The following FSTL5 variants were observed in gnomAD, a reference collection of about 807,000 sequenced individuals.
FSTL5 encodes follistatin-related protein 5.
In FSTL5, 62 loss-of-function variants were observed where a neutral mutation model predicts 89.1. The ratio of observed to expected loss-of-function variants is 0.70; its 90% CI spans 0.57 to 0.86. The LOEUF (loss-of-function observed/expected upper bound fraction) is 0.86. Ranked by LOEUF, FSTL5 falls within the 40% of genes least tolerant of loss-of-function variation. The probability of loss-of-function intolerance (pLI) is 0.00; values close to 1 mark genes in which losing one functional copy is unlikely to be tolerated. For missense variants in FSTL5, 1,057 were observed against 1,001.6 expected, an observed-to-expected ratio of 1.06 and a Z score of -0.75; for synonymous variants, 383 against 346.2, an observed-to-expected ratio of 1.11 and a Z score of -1.18.
At chr4:161,914,942 C>T (rs1418317501) in intron 4 of FSTL5, among the ~76,000 whole-genome samples, 1 of 152,072 alleles carries the variant, frequency 6.6e-6, no homozygotes, top group Non-Finnish European at 1.5e-5. Context: ...TAAATGATGT[C>T]AAGTATTCAT....
intron 3 of FSTL5, among the ~76,000 whole-genome samples, chr4:161,964,532 G>C (rs1405978172): frequency 6.6e-6 from 1 of 151,898 alleles, no homozygotes; most frequent in Non-Finnish European, 1.5e-5. Context: ...AAAATCTCAA[G>C]CTTTTTTAAT....
At chr4:161,965,406 TG>T (rs1453176318) in intron 3 of FSTL5, among the ~76,000 whole-genome samples, 1 of 152,146 alleles carries the variant, frequency 6.6e-6, no homozygotes, top group Non-Finnish European at 1.5e-5. Flanking sequence ...GTGAAATTTT[TG>T]CCTGGACTAG....
At chr4:161,837,898 C>G (rs1203076970) in intron 4 of FSTL5, among the ~76,000 whole-genome samples, 2 of 152,098 alleles carry the variant, frequency 1.3e-5, no homozygotes, top group Non-Finnish European at 2.9e-5. Flanking sequence ...AATATATATA[C>G]TTGACTTTCA....
intron 4 of FSTL5, among the ~76,000 whole-genome samples, chr4:161,802,825 C>T (rs1385293215): frequency 6.6e-6 from 1 of 151,684 alleles, no homozygotes; most frequent in Non-Finnish European, 1.5e-5. Flanking sequence ...AAGAATGCCT[C>T]CTGAAACTTT....
At chr4:161,507,524 A>G (rs1730522755) in intron 11 of FSTL5, among the ~76,000 whole-genome samples, 1 of 151,910 alleles carries the variant, frequency 6.6e-6, no homozygotes, top group East Asian at 1.9e-4. Context: ...GATCTTATTC[A>G]TCTATGAATT....
At chr4:161,447,216 A>G (rs1732974457) in intron 15 of FSTL5, among the ~76,000 whole-genome samples, 2 of 152,102 alleles carry the variant, frequency 1.3e-5, no homozygotes, top group Non-Finnish European at 2.9e-5. Context: ...TTTGTTGTAG[A>G]ATGAGTCTGT....
chr4:162,062,397 A>G (rs1432841085), intron 2 of FSTL5, among the ~76,000 whole-genome samples: 1 of 151,910 alleles, frequency 6.6e-6, no homozygotes, highest in Non-Finnish European at 1.5e-5. Context: ...CTCTTTGCTT[A>G]GTCCAATTTC....
chr4:161,581,277 G>A (rs990001742), intron 8 of FSTL5, among the ~76,000 whole-genome samples: 2 of 152,116 alleles, frequency 1.3e-5, no homozygotes, highest in Admixed American at 1.3e-4. Flanking sequence ...AAAACATGTC[G>A]CTGTTGCTCC....
At chr4:162,020,650 G>A (rs1263144870) in intron 3 of FSTL5, among the ~76,000 whole-genome samples, 4 of 151,702 alleles carry the variant, frequency 2.6e-5, no homozygotes, top group Non-Finnish European at 5.9e-5. Flanking sequence ...TTTTAAGGTA[G>A]GCCATTTGAC....
chr4:162,116,053 T>C (rs1475106883), intron 1 of FSTL5, among the ~76,000 whole-genome samples: 1 of 152,124 alleles, frequency 6.6e-6, no homozygotes, highest in Admixed American at 6.5e-5. Context: ...ACATTATCAA[T>C]TGTTGCAGAG....
intron 8 of FSTL5, among the ~76,000 whole-genome samples, chr4:161,555,658 C>G (rs1732361825): frequency 6.6e-6 from 1 of 151,470 alleles, no homozygotes; most frequent in African/African-American, 2.4e-5. Flanking sequence ...ATTTCTGAGT[C>G]TTGATTTCTC....
intron 2 of FSTL5, among the ~76,000 whole-genome samples, chr4:162,075,192 C>T (rs1729788237): frequency 1.3e-5 from 2 of 151,790 alleles, no homozygotes; most frequent in South Asian, 4.1e-4. Flanking sequence ...TGGCATCTCT[C>T]AACCTCCTGA....
chr4:161,611,448 G>A (rs1005877350), intron 7 of FSTL5, among the ~76,000 whole-genome samples: 77 of 151,728 alleles, frequency 5.1e-4, no homozygotes, highest in African/African-American at 1.7e-3. Flanking sequence ...CACTCTTATA[G>A]TAAAGCCTTA....
chr4:161,760,431 G>A (rs920810371), intron 5 of FSTL5, among the ~76,000 whole-genome samples: 25 of 152,150 alleles, frequency 1.6e-4, no homozygotes, highest in Admixed American at 1.4e-3. Flanking sequence ...AAAGTGGTGC[G>A]GTATAATCAG....
intron 4 of FSTL5, among the ~76,000 whole-genome samples, chr4:161,778,946 T>A (rs993539885): frequency 2.6e-5 from 4 of 152,240 alleles, no homozygotes; most frequent in Admixed American, 1.3e-4. Flanking sequence ...TTTCTGTACA[T>A]GACCCTGGGT....
chr4:161,510,141 G>C (rs1730605004), intron 11 of FSTL5, among the ~76,000 whole-genome samples: 1 of 151,842 alleles, frequency 6.6e-6, no homozygotes, highest in Non-Finnish European at 1.5e-5. Context: ...TGTTTCTTTG[G>C]TGTAATTTCA....
rs557459096 is a variant in FSTL5, at chr4:162,050,936, T to C, written c.127-17278A>G. 2.8e-4 allele frequency among the ~76,000 whole-genome samples: 42 copies of C among 151,660 alleles called. No homozygotes were observed. The South Asian group carries it at 8.7e-3, about 31-fold the overall frequency. On this transcript the variant is annotated intron_variant, in intron 2 of 15. Coordinates refer to ENST00000306100, the MANE Select transcript of FSTL5 (RefSeq NM_020116.5). The stretch of plus-strand genomic sequence containing the variant: ...AATAAGAGCACAGTAAAAATATACA[T>C]TGTAGAGGAGAGAAATAAAACCTAA...
intron 8 of FSTL5, among the ~76,000 whole-genome samples, chr4:161,562,161 T>C (rs1187071496): frequency 6.6e-6 from 1 of 152,040 alleles, no homozygotes; most frequent in Non-Finnish European, 1.5e-5. Context: ...TTCCCTCCTC[T>C]AATTCTTTCA....
intron 15 of FSTL5, among the ~76,000 whole-genome samples, chr4:161,415,903 C>T (rs553453125): frequency 2.3e-4 from 35 of 150,174 alleles, no homozygotes; most frequent in Non-Finnish European, 4.3e-4. Flanking sequence ...ATGTCTACAA[C>T]GGGTAAGTGA....
Sources: allele counts gnomAD v4.1 joint callset (sites outside exome capture counted in the v4.1 genomes callset), GRCh38; gene constraint gnomAD v4.1.1; transcripts MANE v1.5; gene names NCBI Gene and HGNC (gene_info 2026-07-23, HGNC 2026-07-21).